Variants in CNTNAP2 observed in about 807,000 individuals in gnomAD.
CNTNAP2 encodes the protein contactin-associated protein-like 2.
CNTNAP2 carries 98 observed loss-of-function variants against 155.2 expected under a neutral mutation model. The ratio of observed to expected loss-of-function variants is 0.63; its 90% CI spans 0.54 to 0.75. The LOEUF is 0.75. CNTNAP2 is among the 30% of genes least tolerant of loss of function. The pLI, the probability that CNTNAP2 is intolerant of heterozygous loss-of-function variation, is 0.00. For missense variants in CNTNAP2, 1,727 were observed against 1,688.1 expected (o/e 1.02, Z -0.40); for synonymous variants, 651 against 631.2 (o/e 1.03, Z -0.47).
intron 15 of CNTNAP2, among the ~76,000 whole-genome samples, chr7:148,003,872 A>G (rs1801934411): frequency 6.6e-6 from 1 of 152,234 alleles, no homozygotes; most frequent in Non-Finnish European, 1.5e-5. Flanking sequence ...TGTATTCCCA[A>G]TGCCTAGGCC....
intron 13 of CNTNAP2, among the ~76,000 whole-genome samples, chr7:147,879,488 C>T (rs1799483342): frequency 6.6e-6 from 1 of 152,012 alleles, no homozygotes. Flanking sequence ...GCGTGCTCTT[C>T]CAAAGGTCAA....
At chr7:146,596,941 A>G (rs397741) in intron 1 of CNTNAP2, among the ~76,000 whole-genome samples, 124,057 of 152,002 alleles carry the variant, frequency 0.82, 51,161 homozygotes, top group South Asian at 0.9. Flanking sequence ...TATTATTTTC[A>G]TCCCCACTGC....
chr7:148,409,457 C>T lies in CNTNAP2; in HGVS notation c.3782C>T (p.Ser1261Leu), dbSNP rs1294662477. The T allele has an allele frequency of 6.8e-6, 11 of 1,613,644 alleles. No individual in the cohort carries two copies. Among genetic ancestry groups the T allele is most frequent in the African/African-American group, 4.0e-5 (3 of 74,856 alleles). ...ATAAGAAATGGAGTCAACAGAAACT[C>T]GGCTATCATTGGAGGTAGGTGATGT... Reference protein sequence around the residue: ...QAIRNGVNRNSAIIGGVIAVV... With the variant: ...QAIRNGVNRNLAIIGGVIAVV... Residue 1261 changes from serine to leucine, a missense_variant, in exon 23 of 24, where the codon TCG becomes TTG. By Grantham distance (145) the Ser-to-Leu change is moderately radical. Coordinates refer to ENST00000361727, the MANE Select transcript of CNTNAP2 (RefSeq NM_014141.6).
chr7:146,506,223 A>G (rs1211302648), intron 1 of CNTNAP2, among the ~76,000 whole-genome samples: 2 of 152,122 alleles, frequency 1.3e-5, no homozygotes, highest in African/African-American at 4.8e-5. Context: ...GCACATGCAT[A>G]TGCCCCTGCA....
chr7:147,782,554 C>T (rs1203225920), intron 13 of CNTNAP2, among the ~76,000 whole-genome samples: 7 of 152,208 alleles, frequency 4.6e-5, no homozygotes, highest in Non-Finnish European at 8.8e-5. Context: ...CCTCACATAG[C>T]GGAAGTGGTA....
intron 3 of CNTNAP2, among the ~76,000 whole-genome samples, chr7:146,878,517 G>C (rs1283888859): frequency 6.6e-6 from 1 of 151,774 alleles, no homozygotes; most frequent in African/African-American, 2.4e-5. Context: ...GTAGGAGTTA[G>C]AAAACCATAT....
At chr7:146,672,954 C>T (rs569803245) in intron 1 of CNTNAP2, among the ~76,000 whole-genome samples, 1 of 152,222 alleles carries the variant, frequency 6.6e-6, no homozygotes, top group African/African-American at 2.4e-5. Flanking sequence ...TAATTTTCCA[C>T]TTAAAACTAT....
intron 20 of CNTNAP2, among the ~76,000 whole-genome samples, chr7:148,243,913 A>C (rs891752979): frequency 1.4e-4 from 22 of 152,208 alleles, no homozygotes; most frequent in Non-Finnish European, 7.4e-5. Flanking sequence ...CAGAGGTTTT[A>C]TGAGACTGCG....
At chr7:147,319,182 G>A (rs1795296140) in intron 9 of CNTNAP2, among the ~76,000 whole-genome samples, 1 of 152,006 alleles carries the variant, frequency 6.6e-6, no homozygotes, top group Non-Finnish European at 1.5e-5. Flanking sequence ...TGTCCAGTAA[G>A]TTTAATTTTA....
chr7:146,543,403 T>C (rs961108668), intron 1 of CNTNAP2, among the ~76,000 whole-genome samples: 1 of 151,808 alleles, frequency 6.6e-6, no homozygotes, highest in Non-Finnish European at 1.5e-5. Flanking sequence ...CATTCCCTCA[T>C]TCCCCTTTCC....
chr7:148,297,165 A>AAAGGAAGG (rs141074994), intron 21 of CNTNAP2, among the ~76,000 whole-genome samples: 29,790 of 128,658 alleles, frequency 0.23, 3,757 homozygotes, highest in Admixed American at 0.25. Context: ...GAGATAGAGA[A>AAAGGAAGG]AAGGAAGGAA....
At position 146,419,907 on chromosome 7, in the gene CNTNAP2, T is replaced by C. The variant is rs114617987; in HGVS notation, c.97+302934T>C. Among the ~76,000 whole-genome samples, 289 of 152,274 alleles carry C rather than the reference T, an allele frequency of 1.9e-3. 1 individual carries two copies. Among genetic ancestry groups the C allele is most frequent in the African/African-American group, 6.2e-3 (257 of 41,564 alleles). On this transcript the variant is annotated intron_variant, in intron 1 of 23. Transcript: ENST00000361727. ...AATCTGAATGTAAACATTGTCATGGTATTGTCAAAACATTAGATGGATTTA... is the reference window on the plus strand; with the variant it reads ...AATCTGAATGTAAACATTGTCATGGCATTGTCAAAACATTAGATGGATTTA...
chr7:147,109,051 T>C (rs183467724), intron 5 of CNTNAP2, among the ~76,000 whole-genome samples: 3 of 152,316 alleles, frequency 2.0e-5, no homozygotes, highest in Admixed American at 2.0e-4. Context: ...TGTTTAGATA[T>C]TATTTTTAAG....
chr7:147,229,814 A>C (rs1393177075), intron 8 of CNTNAP2, among the ~76,000 whole-genome samples: 1 of 152,226 alleles, frequency 6.6e-6, no homozygotes, highest in Non-Finnish European at 1.5e-5. Flanking sequence ...GCAATATAAT[A>C]AATTAAAAAA....
chr7:146,754,545 T>A, intron 1 of CNTNAP2, among the ~76,000 whole-genome samples: 1 of 132,598 alleles, frequency 7.5e-6, no homozygotes, highest in Non-Finnish European at 1.6e-5. Flanking sequence ...TCTCTCTCTC[T>A]CTCTCTCTGT....
At chr7:148,225,924 G>A (rs1482554760) in intron 19 of CNTNAP2, among the ~76,000 whole-genome samples, 1 of 152,168 alleles carries the variant, frequency 6.6e-6, no homozygotes, top group East Asian at 1.9e-4. Flanking sequence ...TACTTTTGGG[G>A]AGAGAAGATG....
chr7:147,979,217 A>C (rs1801482350), intron 15 of CNTNAP2, among the ~76,000 whole-genome samples: 1 of 152,202 alleles, frequency 6.6e-6, no homozygotes. Context: ...TACCTGTAAA[A>C]TTGAGACTGG....
At chr7:146,554,475 A>G (rs1798167906) in intron 1 of CNTNAP2, among the ~76,000 whole-genome samples, 1 of 152,154 alleles carries the variant, frequency 6.6e-6, no homozygotes, top group Non-Finnish European at 1.5e-5. Flanking sequence ...TTAAAAAATT[A>G]TATGCTTAGC....
intron 13 of CNTNAP2, among the ~76,000 whole-genome samples, chr7:147,816,056 T>C (rs1027626334): frequency 6.6e-6 from 1 of 152,276 alleles, no homozygotes; most frequent in East Asian, 1.9e-4. Context: ...AGTGATTTTG[T>C]ATAAAAATGC....
Sources: allele counts gnomAD v4.1 joint callset (sites outside exome capture counted in the v4.1 genomes callset), GRCh38; gene constraint gnomAD v4.1.1; transcripts MANE v1.5; gene names NCBI Gene and HGNC (gene_info 2026-07-23, HGNC 2026-07-21).